The following TBC1D23 variants were observed in gnomAD, a reference collection of about 807,000 sequenced individuals.
TBC1D23 encodes HCV non-structural protein 4A-transactivated protein 1.
TBC1D23 carries 55 observed loss-of-function variants against 91.4 expected under a neutral mutation model. That is an observed-to-expected ratio of 0.60 (90% CI 0.48 to 0.75). TBC1D23 has a LOEUF of 0.75. Ranked by LOEUF, TBC1D23 falls within the 30% of genes least tolerant of loss-of-function variation. The pLI is 0.00. For synonymous variants in TBC1D23, 289 were observed against 281.0 expected, an observed-to-expected ratio of 1.03 and a Z score of -0.28; for missense variants, 725 against 836.1, an observed-to-expected ratio of 0.87 and a Z score of 1.64.
At chr3:100,261,404 G>C in intron 1 of TBC1D23, 1 of 372,646 alleles carries the variant, frequency 2.7e-6, no homozygotes, top group Non-Finnish European at 4.9e-6. Flanking sequence ...GGGAGTTGGA[G>C]TAGGCTGAAG....
chr3:100,294,442 G>A (rs2067820241), intron 5 of TBC1D23, among the ~76,000 whole-genome samples: 1 of 151,834 alleles, frequency 6.6e-6, no homozygotes, highest in Non-Finnish European at 1.5e-5. Context: ...TGTATTTTTA[G>A]TAGAGACGGG....
Position 100,271,489 on chromosome 3 carries a change from G to A in TBC1D23, c.54-8160G>A, listed in dbSNP as rs1364940138. Among the ~76,000 whole-genome samples, 4 of 152,240 alleles carry A rather than the reference G, an allele frequency of 2.6e-5. No homozygotes were observed. The East Asian group carries it at 7.7e-4, about 29-fold the overall frequency. On this transcript the variant is annotated intron_variant, in intron 1 of 18. Coordinates refer to ENST00000394144, the MANE Select transcript of TBC1D23 (RefSeq NM_001199198.3). ...GGCTTCTGAAAGATCGTGGGGAGTG[G>A]GTGGAGATAAGAGTCAGGTGAAGTT...
Position 100,319,922 on chromosome 3 carries a change from G to A in TBC1D23, c.1823+718G>A, listed in dbSNP as rs1414657272. On this transcript the variant is annotated intron_variant, in intron 17 of 18. Transcript: ENST00000394144. ...GAGCATTCTCCTGCACAACTTCAAT[G>A]CCATTACCCCACCTAAAAATTTTTG... 3.3e-5 allele frequency among the ~76,000 whole-genome samples: 5 copies of A among 152,128 alleles called. No homozygotes were observed. The East Asian group carries it at 9.7e-4, about 29-fold the overall frequency.
chr3:100,303,921 A>G (rs926466712), intron 11 of TBC1D23, among the ~76,000 whole-genome samples: 1 of 152,066 alleles, frequency 6.6e-6, no homozygotes, highest in Non-Finnish European at 1.5e-5. Context: ...AACTTTTATT[A>G]TGGAAAGTTT....
intron 1 of TBC1D23, among the ~76,000 whole-genome samples, chr3:100,266,849 G>A (rs1278638079): frequency 6.6e-6 from 1 of 152,164 alleles, no homozygotes; most frequent in Non-Finnish European, 1.5e-5. Context: ...GCTTGACAAA[G>A]CATTTCTGAT....
chr3:100,281,998 A>C (rs2067699181), intron 3 of TBC1D23, 151 bp downstream of exon 3: 3 of 521,708 alleles, frequency 5.8e-6, no homozygotes, highest in Non-Finnish European at 1.0e-5. Context: ...CTTATGAAAT[A>C]TTGTCTATTA....
chr3:100,288,855 C>T (rs558280637), intron 4 of TBC1D23, among the ~76,000 whole-genome samples: 4 of 152,286 alleles, frequency 2.6e-5, no homozygotes, highest in East Asian at 3.9e-4. Flanking sequence ...ATACTTTAAC[C>T]AAACTGTCTG....
intron 12 of TBC1D23, among the ~76,000 whole-genome samples, chr3:100,305,500 A>G (rs1705501427): frequency 6.6e-6 from 1 of 152,176 alleles, no homozygotes; most frequent in Non-Finnish European, 1.5e-5. Flanking sequence ...GATACTACAA[A>G]AATACTGAGC....
At chr3:100,293,130 C>CTTATTTAT (rs1156576187) in intron 5 of TBC1D23, among the ~76,000 whole-genome samples, 3 of 79,046 alleles carry the variant, frequency 3.8e-5, no homozygotes, top group African/African-American at 2.4e-4. Flanking sequence ...TGTTTGTTTA[C>CTTATTTAT]TTATTTATTT....
Position 100,261,089 on chromosome 3 carries a change from C to A in TBC1D23, c.53+18C>A. The stretch of plus-strand genomic sequence containing the variant: ...GACGGCTGGTGAGTGAAAGCCGGGG[C>A]TAATTTCCAATGCCCCTTTATTCTT... On this transcript the variant is annotated intron_variant, in intron 1 of 18. Transcript: ENST00000394144. The A allele has an allele frequency of 1.2e-6, 2 of 1,610,798 alleles. No individual in the cohort carries two copies. The highest frequency in any genetic ancestry group is 1.7e-6 in the Non-Finnish European group (2 of 1,177,128).
At chr3:100,305,075 TG>T (rs1341952024) in intron 12 of TBC1D23, among the ~76,000 whole-genome samples, 187 bp downstream of exon 12, 1 of 152,112 alleles carries the variant, frequency 6.6e-6, no homozygotes, top group East Asian at 1.9e-4. Flanking sequence ...CAATTGAAAT[TG>T]GTGACTATTT....
At chr3:100,291,598 A>G (rs1191809256) in intron 5 of TBC1D23, among the ~76,000 whole-genome samples, 1 of 151,528 alleles carries the variant, frequency 6.6e-6, no homozygotes, top group African/African-American at 2.4e-5. Context: ...AAAAAAAAAA[A>G]TTAAGGAATT....
intron 2 of TBC1D23, 131 bp downstream of exon 2, chr3:100,279,891 C>T: frequency 1.8e-6 from 1 of 563,526 alleles, no homozygotes; most frequent in South Asian, 2.6e-5. Context: ...ATTTATCAAA[C>T]AGCAGCTTAT....
rs114177211 is a variant in TBC1D23 at position 100,316,614 on chromosome 3, C to T, written c.1687+427C>T. On this transcript the variant is annotated intron_variant, in intron 16 of 18. Coordinates refer to ENST00000394144, the MANE Select transcript of TBC1D23 (RefSeq NM_001199198.3). ...TAAATCCAAGTGATGGGATTGAAAT[C>T]CCTTTGATCAGATTGAAATTCCTTT... 4.7e-3 allele frequency among the ~76,000 whole-genome samples: 712 copies of T among 152,006 alleles called. 2 individuals are homozygous for T. The highest frequency in any genetic ancestry group is 6.4e-3 in the Non-Finnish European group (432 of 67,972).
intron 3 of TBC1D23, 71 bp downstream of exon 3, chr3:100,281,918 C>A: frequency 1.2e-6 from 1 of 814,896 alleles, no homozygotes; most frequent in Non-Finnish European, 2.0e-6. Flanking sequence ...AATCACTCTT[C>A]AGAATAATCT....
chr3:100,317,288 T>A (rs963006920), intron 16 of TBC1D23, among the ~76,000 whole-genome samples: 2 of 152,148 alleles, frequency 1.3e-5, no homozygotes, highest in South Asian at 2.1e-4. Context: ...CTCACCTTGC[T>A]TTTTCCAGTT....
intron 1 of TBC1D23, among the ~76,000 whole-genome samples, chr3:100,271,526 G>A (rs1419250813): frequency 6.6e-6 from 1 of 152,142 alleles, no homozygotes; most frequent in South Asian, 2.1e-4. Flanking sequence ...CCAGTCTTAG[G>A]CTAGAGAAGA....
chr3:100,302,305 T>A, intron 11 of TBC1D23, 68 bp downstream of exon 11: 2 of 1,322,502 alleles, frequency 1.5e-6, no homozygotes, highest in Non-Finnish European at 2.0e-6. Context: ...TTTACATAGA[T>A]AACTTTTTGC....
chr3:100,274,855 T>C (rs1339709389), intron 1 of TBC1D23, among the ~76,000 whole-genome samples: 1 of 149,112 alleles, frequency 6.7e-6, no homozygotes, highest in Non-Finnish European at 1.5e-5. Flanking sequence ...ATATATAATA[T>C]TTGTTTATTA....
Sources: allele counts gnomAD v4.1 joint callset (sites outside exome capture counted in the v4.1 genomes callset), GRCh38; gene constraint gnomAD v4.1.1; transcripts MANE v1.5; gene names NCBI Gene and HGNC (gene_info 2026-07-23, HGNC 2026-07-21).